The following CNTNAP5 variants were observed in gnomAD, a reference collection of about 807,000 sequenced individuals.
The protein encoded by CNTNAP5 is contactin-associated protein-like 5.
CNTNAP5 carries 72 observed loss-of-function variants against 150.2 expected under a neutral mutation model. The ratio of observed to expected loss-of-function variants is 0.48; its 90% confidence interval spans 0.40 to 0.58. The LOEUF is 0.58. CNTNAP5 is among the 20% of genes least tolerant of loss of function. CNTNAP5 has a pLI of 0.00. For missense variants in CNTNAP5, 1,636 were observed against 1,626.2 expected (o/e 1.01, Z -0.10); for synonymous variants, 672 against 619.8 (o/e 1.08, Z -1.25).
At chr2:124,786,868 C>T (rs1215436945) in intron 17 of CNTNAP5, among the ~76,000 whole-genome samples, 1 of 152,204 alleles carries the variant, frequency 6.6e-6, no homozygotes, top group Non-Finnish European at 1.5e-5. Flanking sequence ...AAAAAGCAAA[C>T]TTACTCCTAG....
chr2:124,869,716 A>C lies in CNTNAP5; in HGVS notation c.3390A>C (p.Glu1130Asp). The C allele has an allele frequency of 6.2e-7, 1 of 1,612,420 alleles. No individual in the cohort carries two copies. The highest frequency in any genetic ancestry group is 8.5e-7 in the Non-Finnish European group (1 of 1,178,898). ...GACTCAGTTATAACTTCTCTCCGGA[A>C]GTAGAGTTCAGGGTTATAAGGTCAC... The part of the protein sequence containing the change: ...QLRLSYNFSP[E>D]VEFRVIRSLT... The change falls in exon 21 of 24, where the codon GAA becomes GAC. Residue 1130 changes from glutamate to aspartate, a missense_variant. Physicochemically the swap from Glu to Asp is conservative, Grantham distance 45 (BLOSUM62 2). Transcript: ENST00000682447.
At chr2:124,230,441 C>T (rs1402659809) in intron 2 of CNTNAP5, among the ~76,000 whole-genome samples, 1 of 151,646 alleles carries the variant, frequency 6.6e-6, no homozygotes, top group Non-Finnish European at 1.5e-5. Context: ...TTTATTAAGC[C>T]CCATAGAATA....
rs979980963 is a variant in CNTNAP5 at position 124,241,270 on chromosome 2, C to T, written c.188-930C>T. 3.3e-5 allele frequency among the ~76,000 whole-genome samples: 5 copies of T among 152,262 alleles called. No individual in the cohort carries two copies. The East Asian group carries it at 7.7e-4, about 24-fold the overall frequency. On this transcript the variant is annotated intron_variant, in intron 2 of 23. Coordinates refer to ENST00000682447, the MANE Select transcript of CNTNAP5 (RefSeq NM_001367498.1). ...TCAGGTGTGATACATACAAAATTCT[C>T]GGGCCAAAACAGTTTTTGTATGTGT...
At chr2:124,913,370 C>A (rs371789232) in intron 23 of CNTNAP5, among the ~76,000 whole-genome samples, 2 of 151,964 alleles carry the variant, frequency 1.3e-5, no homozygotes, top group Non-Finnish European at 2.9e-5. Context: ...AGGGGTGAGA[C>A]CCTAGGGTAA....
chr2:124,718,216 C>G (rs1679982941), intron 13 of CNTNAP5, among the ~76,000 whole-genome samples: 1 of 152,062 alleles, frequency 6.6e-6, no homozygotes, highest in South Asian at 2.1e-4. Flanking sequence ...TATAAAAATA[C>G]AAAGATAAAG....
At chr2:124,889,215 T>C (rs1678143669) in intron 21 of CNTNAP5, among the ~76,000 whole-genome samples, 1 of 151,574 alleles carries the variant, frequency 6.6e-6, no homozygotes, top group African/African-American at 2.4e-5. Context: ...TTCTGCTGTT[T>C]CAGCCTCCCA....
At chr2:124,567,686 C>T (rs1015764029) in intron 11 of CNTNAP5, among the ~76,000 whole-genome samples, 6 of 152,242 alleles carry the variant, frequency 3.9e-5, no homozygotes, top group Admixed American at 6.5e-5. Flanking sequence ...TGGAATATAA[C>T]GTGCAAGTTC....
chr2:124,285,863 G>A (rs1688137894), intron 3 of CNTNAP5, among the ~76,000 whole-genome samples: 1 of 151,986 alleles, frequency 6.6e-6, no homozygotes, highest in South Asian at 2.1e-4. Flanking sequence ...AGAAAACCCT[G>A]GGTATGTAAA....
chr2:124,046,675 A>G (rs1407408381), intron 1 of CNTNAP5, among the ~76,000 whole-genome samples: 1 of 152,010 alleles, frequency 6.6e-6, no homozygotes, highest in Admixed American at 6.5e-5. Context: ...TTGGGTTTTT[A>G]ATGCTAAGGG....
At chr2:124,365,521 C>T (rs984656694) in intron 3 of CNTNAP5, among the ~76,000 whole-genome samples, 7 of 152,154 alleles carry the variant, frequency 4.6e-5, no homozygotes, top group Non-Finnish European at 8.8e-5. Context: ...ACTATTGGTG[C>T]TACAGAGAAC....
intron 1 of CNTNAP5, among the ~76,000 whole-genome samples, chr2:124,162,567 G>T (rs950430305): frequency 1.3e-5 from 2 of 152,022 alleles, no homozygotes; most frequent in South Asian, 4.2e-4. Context: ...GATGACTTGG[G>T]GGTTAAAATA....
At chr2:124,847,561 G>T (rs1313698381) in intron 19 of CNTNAP5, among the ~76,000 whole-genome samples, 1 of 152,184 alleles carries the variant, frequency 6.6e-6, no homozygotes, top group African/African-American at 2.4e-5. Context: ...GAGAAAGCAA[G>T]CCGACTTACA....
intron 6 of CNTNAP5, among the ~76,000 whole-genome samples, chr2:124,457,471 G>A (rs1256210637): frequency 1.3e-5 from 2 of 152,012 alleles, no homozygotes; most frequent in Non-Finnish European, 2.9e-5. Context: ...AGAAAAAAAA[G>A]AAAACATCAA....
intron 1 of CNTNAP5, among the ~76,000 whole-genome samples, chr2:124,093,759 C>A (rs775155861): frequency 6.6e-6 from 1 of 152,100 alleles, no homozygotes; most frequent in South Asian, 2.1e-4. Flanking sequence ...GGAATAAGGA[C>A]AACAATAATA....
chr2:124,098,023 G>A (rs570007910), intron 1 of CNTNAP5, among the ~76,000 whole-genome samples: 10 of 142,666 alleles, frequency 7.0e-5, no homozygotes, highest in African/African-American at 2.6e-4. Context: ...GCGAGACTCC[G>A]TCTCAAAAAA....
At chr2:124,125,069 C>A (rs1437950133) in intron 1 of CNTNAP5, among the ~76,000 whole-genome samples, 1 of 152,132 alleles carries the variant, frequency 6.6e-6, no homozygotes, top group East Asian at 1.9e-4. Context: ...ACAATATTAA[C>A]CTTACATGTA....
At chr2:124,756,915 C>G (rs1379247263) in intron 14 of CNTNAP5, among the ~76,000 whole-genome samples, 1 of 151,906 alleles carries the variant, frequency 6.6e-6, no homozygotes, top group Admixed American at 6.6e-5. Context: ...CACATGTACC[C>G]CTGAAATTAA....
intron 3 of CNTNAP5, among the ~76,000 whole-genome samples, chr2:124,330,755 A>G (rs907164132): frequency 6.7e-6 from 1 of 148,250 alleles, no homozygotes; most frequent in African/African-American, 2.5e-5. Context: ...TAATTTCCAA[A>G]TTTTAGAGAA....
chr2:124,442,789 C>T (rs992091526), intron 5 of CNTNAP5, among the ~76,000 whole-genome samples: 7 of 151,928 alleles, frequency 4.6e-5, no homozygotes, highest in African/African-American at 1.5e-4. Context: ...TTTCAAAATT[C>T]GTATCACAGG....
Sources: gnomAD v4.1 joint callset for allele counts (sites outside exome capture counted in the v4.1 genomes callset) on GRCh38, gnomAD v4.1.1 for gene constraint, MANE v1.5 for transcripts, NCBI Gene and HGNC (gene_info 2026-07-23, HGNC 2026-07-21) for gene names.